Variants in KIAA0753 observed in about 807,000 individuals in gnomAD.
The protein encoded by KIAA0753 is KIAA0753.
Under a neutral mutation model 116.9 loss-of-function variants are expected in KIAA0753, and 114 were observed. The ratio of observed to expected loss-of-function variants is 0.98; its 90% CI spans 0.84 to 1.14. The LOEUF (loss-of-function observed/expected upper bound fraction) is 1.14, where lower values mean the gene tolerates loss of function less well. Ranked by LOEUF, KIAA0753 falls within the 50% of genes most tolerant of loss-of-function variation. The pLI is 0.00. For missense variants in KIAA0753, 1,156 were observed against 1,172.4 expected (o/e 0.99, Z 0.20); for synonymous variants, 405 against 413.1 (o/e 0.98, Z 0.24).
chr17:6,599,124 C>T (rs933279660), intron 14 of KIAA0753, 113 bp downstream of exon 14: 5 of 724,814 alleles, frequency 6.9e-6, no homozygotes, highest in Non-Finnish European at 1.2e-5. Flanking sequence ...AATATTCATA[C>T]TTCTTGAGTA....
At chr17:6,614,889 C>T (rs1390013551) in intron 7 of KIAA0753, among the ~76,000 whole-genome samples, 2 of 151,140 alleles carry the variant, frequency 1.3e-5, no homozygotes, top group African/African-American at 2.4e-5. Flanking sequence ...ACCTCCGCTT[C>T]CCAGGTTCAA....
At chr17:6,603,746 G>A (rs561172765) in intron 12 of KIAA0753, among the ~76,000 whole-genome samples, 1 of 152,272 alleles carries the variant, frequency 6.6e-6, no homozygotes, top group South Asian at 2.1e-4. Flanking sequence ...AATAGGCACA[G>A]ACAAAAAATA....
In KIAA0753 at chr17:6,579,781, A is replaced by G. The variant is rs778839724; in HGVS notation, c.2870T>C (p.Val957Ala). Residue 957 changes from valine to alanine, a missense_variant, in exon 19 of 19, where the codon GTG becomes GCG. By Grantham distance (64) the Val-to-Ala change is moderately conservative. Transcript: ENST00000361413. Reference sequence around the variant, plus strand: ...AGCCTCTAAGAATTCTGAGGTGAACACAGCTTCTGCATAATCTTCGCACAT... The same window carrying G: ...AGCCTCTAAGAATTCTGAGGTGAACGCAGCTTCTGCATAATCTTCGCACAT... ...QDMCEDYAEA[V>A]FTSEFLEAAT is the part of the protein sequence containing the mutation. 2 of 1,613,760 alleles carry G rather than the reference A, an allele frequency of 1.2e-6. No homozygotes were observed.
rs1971809161 is a variant in KIAA0753, at chr17:6,628,356, T to C, written c.479A>G (p.Gln160Arg). Reference sequence around the variant, plus strand: ...GCTGGAGATTTCTACTTTGGATGGCTGGTGGCTACACTGACAGGCTGCTTG... The same window carrying C: ...GCTGGAGATTTCTACTTTGGATGGCCGGTGGCTACACTGACAGGCTGCTTG... ...KSQAACQCSH[Q>R]PSKVEISSSG... The change falls in exon 3 of 19, where the codon CAG (glutamine) becomes CGG (arginine). Residue 160 changes from glutamine (Q) to arginine (R), a missense_variant. Coordinates refer to ENST00000361413, the MANE Select transcript of KIAA0753 (RefSeq NM_014804.3). The C allele has an allele frequency of 6.2e-7, 1 of 1,614,062 alleles. No individual in the cohort carries two copies. The highest frequency in any genetic ancestry group is 1.3e-5 in the African/African-American group (1 of 74,928).
chr17:6,618,766 C>T (rs1971101260), intron 7 of KIAA0753, among the ~76,000 whole-genome samples: 2 of 151,618 alleles, frequency 1.3e-5, no homozygotes, highest in Admixed American at 1.3e-4. Context: ...ATATAACTTT[C>T]AAATCAATGA....
intron 2 of KIAA0753, among the ~76,000 whole-genome samples, chr17:6,630,862 T>C (rs1371883874): frequency 2.6e-5 from 4 of 152,112 alleles, no homozygotes; most frequent in African/African-American, 9.7e-5. Flanking sequence ...CTACCCTTCA[T>C]ATAAGAAAAG....
intron 15 of KIAA0753, among the ~76,000 whole-genome samples, chr17:6,595,478 A>G (rs1050460644): frequency 2.6e-5 from 4 of 150,950 alleles, no homozygotes; most frequent in African/African-American, 9.9e-5. Context: ...GCGGATCTTT[A>G]AACTTTCAAA....
At chr17:6,594,521 CAGAA>C (rs1367777298) in intron 16 of KIAA0753, among the ~76,000 whole-genome samples, 4 of 152,148 alleles carry the variant, frequency 2.6e-5, no homozygotes, top group African/African-American at 9.7e-5. Flanking sequence ...AAAGCTAACT[CAGAA>C]AGCACAGTGG....
At chr17:6,588,504 T>G (rs529435433) in intron 18 of KIAA0753, among the ~76,000 whole-genome samples, 2 of 152,132 alleles carry the variant, frequency 1.3e-5, no homozygotes, top group East Asian at 3.9e-4. Context: ...GGAGAAAAAG[T>G]AAGGGTGGGG....
intron 15 of KIAA0753, among the ~76,000 whole-genome samples, chr17:6,595,773 C>T (rs988197738): frequency 2.0e-5 from 3 of 152,180 alleles, no homozygotes; most frequent in Non-Finnish European, 4.4e-5. Context: ...GGATCACACT[C>T]CAGCTGGGAA....
intron 7 of KIAA0753, among the ~76,000 whole-genome samples, chr17:6,619,385 A>C (rs1455477440): frequency 6.6e-6 from 1 of 152,088 alleles, no homozygotes; most frequent in South Asian, 2.1e-4. Context: ...TAATTAATTC[A>C]GCTATAAATC....
At chr17:6,630,168 C>CAAAACTGAATAAAAACAGGGA (rs1971937573) in intron 2 of KIAA0753, among the ~76,000 whole-genome samples, 1 of 151,434 alleles carries the variant, frequency 6.6e-6, no homozygotes, top group Non-Finnish European at 1.5e-5. Context: ...ATAAAAAGAT[C>CAAAACTGAATAAAAACAGGGA]AAAACTGAAT....
At chr17:6,626,249 C>T (rs150045939) in intron 3 of KIAA0753, among the ~76,000 whole-genome samples, 19 of 152,268 alleles carry the variant, frequency 1.2e-4, no homozygotes, top group East Asian at 7.7e-4. Flanking sequence ...AATTCTTATA[C>T]GAAACTCCAA....
At chr17:6,610,961 C>G (rs1173076019) in intron 8 of KIAA0753, among the ~76,000 whole-genome samples, 43 of 152,144 alleles carry the variant, frequency 2.8e-4, no homozygotes, top group Non-Finnish European at 1.3e-4. Flanking sequence ...AAGAAACAGA[C>G]TTGATCCTAA....
At chr17:6,620,689 G>A (rs891894104) in intron 7 of KIAA0753, 99 bp downstream of exon 7, 1 of 1,145,840 alleles carries the variant, frequency 8.7e-7, no homozygotes, top group African/African-American at 1.5e-5. Flanking sequence ...TTGTGGGCTA[G>A]GTCCTAAATC....
chr17:6,599,498 C>A (rs1969707561), intron 13 of KIAA0753, among the ~76,000 whole-genome samples, 178 bp from the exon 14 acceptor site: 1 of 152,228 alleles, frequency 6.6e-6, no homozygotes, highest in Non-Finnish European at 1.5e-5. Flanking sequence ...ATGTGTTGAT[C>A]TTGGCTTTCC....
chr17:6,631,374 T>G (rs1287987020), intron 2 of KIAA0753, among the ~76,000 whole-genome samples: 1 of 152,230 alleles, frequency 6.6e-6, no homozygotes, highest in East Asian at 1.9e-4. Context: ...CGGATTACAA[T>G]TCAGAAACTA....
intron 2 of KIAA0753, among the ~76,000 whole-genome samples, chr17:6,634,346 C>T (rs985485653): frequency 3.9e-5 from 6 of 152,122 alleles, no homozygotes; most frequent in South Asian, 2.1e-4. Context: ...TCTGGTGATC[C>T]GCCCGCCTGG....
chr17:6,612,188 T>C, intron 7 of KIAA0753, 40 bp from the exon 8 acceptor site: 2 of 1,440,314 alleles, frequency 1.4e-6, no homozygotes, highest in Non-Finnish European at 1.9e-6. Context: ...AGGAAAATGC[T>C]ATTCAAATCA....
Sources: allele counts gnomAD v4.1 joint callset (sites outside exome capture counted in the v4.1 genomes callset), GRCh38; gene constraint gnomAD v4.1.1; transcripts MANE v1.5; gene names NCBI Gene and HGNC (gene_info 2026-07-23, HGNC 2026-07-21).